The following TJP1 variants were observed in gnomAD, a reference collection of about 807,000 sequenced individuals.
The protein encoded by TJP1 is tight junction protein 1, also known as tight junction protein ZO-1.
Under a neutral mutation model 194.2 loss-of-function variants are expected in TJP1, and 43 were observed. The observed-to-expected ratio is 0.22, with a 90% CI of 0.17 to 0.29. TJP1 has a LOEUF of 0.29. Among genes scored for constraint, TJP1 ranks in the 10% least tolerant of loss-of-function variants. The pLI is 1.00. For synonymous variants in TJP1, 801 were observed against 779.0 expected (o/e 1.03, Z -0.47); for missense variants, 1,971 against 2,185.7 (o/e 0.90, Z 1.96).
At chr15:29,901,569 C>A (rs1389129580) in intron 2 of TJP1, among the ~76,000 whole-genome samples, 3 of 152,148 alleles carry the variant, frequency 2.0e-5, no homozygotes, top group Admixed American at 6.5e-5. Flanking sequence ...CACCTGTAAT[C>A]CCAACACTTT....
Position 29,772,142 on chromosome 15 carries a change from A to G in TJP1, c.234T>C (p.Val78=). 1 of 1,603,794 alleles carries G rather than the reference A, an allele frequency of 6.2e-7. No individual in the cohort carries two copies. Among genetic ancestry groups the G allele is most frequent in the Non-Finnish European group, 8.5e-7 (1 of 1,177,058 alleles). The part of the protein sequence containing the change: ...QLQENDRVAM[V]NGVSMDNVEH... Reference sequence around the variant, plus strand: ...CAACATTATCCATTGAAACTCCGTTAACCATTGCAACTCGGTCATTTTCCC... The same window carrying G: ...CAACATTATCCATTGAAACTCCGTTGACCATTGCAACTCGGTCATTTTCCC... Residue 78 remains valine (V), a synonymous_variant, in exon 4 of 28, where the codon GTT becomes GTC. Coordinates refer to ENST00000614355, the MANE Select transcript of TJP1 (RefSeq NM_001330239.4).
At chr15:29,795,368 G>A (rs150346221) in intron 2 of TJP1, among the ~76,000 whole-genome samples, 1 of 149,666 alleles carries the variant, frequency 6.7e-6, no homozygotes, top group East Asian at 2.0e-4. Flanking sequence ...AGTGAGCCAT[G>A]ATGGTACCAC....
At chr15:29,916,795 CAA>C (rs1192824436) in intron 2 of TJP1, among the ~76,000 whole-genome samples, 6 of 152,180 alleles carry the variant, frequency 3.9e-5, no homozygotes, top group Non-Finnish European at 7.3e-5. Flanking sequence ...AAAACTAACT[CAA>C]GTTAATTTTA....
chr15:29,784,903 CA>C (rs1330491277), intron 2 of TJP1, among the ~76,000 whole-genome samples: 3 of 151,224 alleles, frequency 2.0e-5, no homozygotes, highest in East Asian at 1.9e-4. Context: ...ATAGCATGTG[CA>C]AAAAAAAATT....
At chr15:29,860,993 A>G (rs556760811) in intron 2 of TJP1, among the ~76,000 whole-genome samples, 36 of 152,252 alleles carry the variant, frequency 2.4e-4, no homozygotes, top group Non-Finnish European at 4.3e-4. Flanking sequence ...AACGAAAAGA[A>G]TTGTGTGATT....
At chr15:29,741,006 A>ATTT in intron 10 of TJP1, 11 of 173,314 alleles carry the variant, frequency 6.3e-5, no homozygotes, top group Non-Finnish European at 1.1e-4. Flanking sequence ...AGAAACACTG[A>ATTT]TTTTTTTTTT....
intron 8 of TJP1, among the ~76,000 whole-genome samples, chr15:29,751,952 C>T (rs1467524295): frequency 6.6e-6 from 1 of 152,002 alleles, no homozygotes; most frequent in Non-Finnish European, 1.5e-5. Context: ...TGAGACAGGG[C>T]CTTGTTCTAT....
chr15:29,818,896 C>T (rs2050129522), intron 1 of TJP1, among the ~76,000 whole-genome samples: 1 of 152,084 alleles, frequency 6.6e-6, no homozygotes, highest in African/African-American at 2.4e-5. Context: ...CAGCTCAATG[C>T]AACCTCCGCC....
chr15:29,771,791 C>T (rs1595839538), intron 4 of TJP1, among the ~76,000 whole-genome samples: 2 of 146,664 alleles, frequency 1.4e-5, no homozygotes, highest in African/African-American at 2.5e-5. Flanking sequence ...GGCGACAGAG[C>T]GAGACTCCGT....
chr15:29,729,894 G>A (rs2043505910), intron 15 of TJP1, among the ~76,000 whole-genome samples: 1 of 151,586 alleles, frequency 6.6e-6, no homozygotes, highest in Non-Finnish European at 1.5e-5. Flanking sequence ...ACAACTCTCT[G>A]GAAAGCAGAA....
intron 2 of TJP1, among the ~76,000 whole-genome samples, chr15:29,949,274 ATCACCTCCACCGCCATCACCT>A (rs1567224339): frequency 5.3e-4 from 56 of 105,258 alleles, no homozygotes; most frequent in African/African-American, 2.6e-3. Context: ...CACCACCTCC[ATCACCTCCACCGCCATCACCT>A]CCACCACCAC....
At chr15:29,870,489 G>C (rs544731358) in intron 2 of TJP1, among the ~76,000 whole-genome samples, 1 of 152,176 alleles carries the variant, frequency 6.6e-6, no homozygotes, top group African/African-American at 2.4e-5. Flanking sequence ...TGATGAAACC[G>C]AAAACTCTTA....
chr15:29,859,799 G>A (rs745667619), intron 2 of TJP1, among the ~76,000 whole-genome samples: 7 of 152,098 alleles, frequency 4.6e-5, no homozygotes, highest in South Asian at 2.1e-4. Context: ...CTTCATTAAC[G>A]CTGTTAGTAT....
intron 2 of TJP1, among the ~76,000 whole-genome samples, chr15:29,948,787 G>C (rs906020887): frequency 3.3e-5 from 5 of 152,036 alleles, no homozygotes; most frequent in Admixed American, 3.3e-4. Flanking sequence ...ATTTAGACCA[G>C]TTTGAGTTAG....
intron 1 of TJP1, among the ~76,000 whole-genome samples, chr15:29,819,326 T>G (rs1007864328): frequency 6.6e-6 from 1 of 151,910 alleles, no homozygotes; most frequent in Non-Finnish European, 1.5e-5. Context: ...TATTCGTAGT[T>G]TTCCACCTTG....
intron 2 of TJP1, among the ~76,000 whole-genome samples, chr15:29,876,617 C>T (rs1047439061): frequency 1.3e-5 from 2 of 152,142 alleles, no homozygotes; most frequent in African/African-American, 4.8e-5. Context: ...GACAATTCTT[C>T]CAATGTGGCC....
At chr15:29,702,341 TTGAC>T (rs2041601071) in intron 27 of TJP1, among the ~76,000 whole-genome samples, 1 of 152,178 alleles carries the variant, frequency 6.6e-6, no homozygotes, top group Admixed American at 6.5e-5. Flanking sequence ...CAAAAACTCA[TTGAC>T]TGGGTGTTAG....
rs2044500704 is a variant in TJP1 at position 29,742,653 on chromosome 15, G to A, written c.1139C>T (p.Pro380Leu). 1.1e-5 allele frequency: 17 copies of A among 1,579,678 alleles called. No homozygotes were observed. In the East Asian group the frequency reaches 3.9e-4, roughly 37 times the overall value. Residue 380 changes from proline (P) to leucine (L), a missense_variant, in exon 9 of 28, where the codon CCT becomes CTT. Pro to Leu is a moderately conservative substitution (Grantham distance 98). This residue lies in a region of TJP1 where 192 missense variants were observed against 182.3 expected (regional missense o/e 1.05). Transcript: ENST00000614355. ...VTVERNEKQT[P>L]SLPEPKPVYA... Reference sequence around the variant, plus strand: ...TTCGTTATGCTTACCTGGAAGAGAAGGTGTTTGTTTCTCATTTCTTTCAAC... The same window carrying A: ...TTCGTTATGCTTACCTGGAAGAGAAAGTGTTTGTTTCTCATTTCTTTCAAC...
chr15:29,895,947 C>T (rs2053463958), intron 2 of TJP1, among the ~76,000 whole-genome samples: 1 of 152,182 alleles, frequency 6.6e-6, no homozygotes, highest in African/African-American at 2.4e-5. Context: ...TATAGTGCCG[C>T]CTTCTTCTGT....
Sources: gnomAD v4.1 joint callset for allele counts (sites outside exome capture counted in the v4.1 genomes callset) on GRCh38, gnomAD v4.1.1 for gene constraint, gnomAD v4.1.1 regional missense constraint, MANE v1.5 for transcripts, NCBI Gene and HGNC (gene_info 2026-07-23, HGNC 2026-07-21) for gene names.